The following CCAR1 variants were observed in gnomAD, a reference collection of about 807,000 sequenced individuals.
The protein encoded by CCAR1 is cell division cycle and apoptosis regulator protein 1.
A neutral mutation model predicts 163.8 loss-of-function variants in CCAR1; 78 were observed. The observed-to-expected ratio is 0.48, with a 90% CI of 0.40 to 0.57. CCAR1 has a LOEUF of 0.57. Ranked by LOEUF, CCAR1 falls within the 20% of genes least tolerant of loss-of-function variation. The probability of loss-of-function intolerance (pLI) is 0.00; values close to 1 mark genes in which losing one functional copy is unlikely to be tolerated. For synonymous variants in CCAR1, 443 were observed against 460.7 expected, an observed-to-expected ratio of 0.96 and a Z score of 0.49; for missense variants, 1,019 against 1,365.2, an observed-to-expected ratio of 0.75 and a Z score of 4.00.
intron 21 of CCAR1, 32 bp downstream of exon 21, chr10:68,786,724 A>G (rs1360923846): frequency 1.3e-6 from 2 of 1,547,808 alleles, no homozygotes; most frequent in African/African-American, 2.8e-5. Context: ...TAAAAGGAAA[A>G]CATTTTTTAA....
intron 15 of CCAR1, among the ~76,000 whole-genome samples, chr10:68,758,134 A>C (rs958935205): frequency 6.6e-6 from 1 of 151,928 alleles, no homozygotes; most frequent in Non-Finnish European, 1.5e-5. Flanking sequence ...GGCTCACTGC[A>C]GCTTTGGCCT....
intron 2 of CCAR1, among the ~76,000 whole-genome samples, chr10:68,728,673 G>T (rs528392973): frequency 6.6e-6 from 1 of 152,292 alleles, no homozygotes; most frequent in South Asian, 2.1e-4. Context: ...GCACTGTCCA[G>T]GCTGGGCGCG....
chr10:68,781,202 C>T (rs1288129130), intron 19 of CCAR1, among the ~76,000 whole-genome samples: 1 of 151,180 alleles, frequency 6.6e-6, no homozygotes, highest in Non-Finnish European at 1.5e-5. Flanking sequence ...CACTGCACTC[C>T]AGCGTGGGTG....
intron 6 of CCAR1, among the ~76,000 whole-genome samples, chr10:68,744,821 A>G (rs1020902675): frequency 5.9e-5 from 9 of 151,366 alleles, no homozygotes; most frequent in African/African-American, 1.9e-4. Flanking sequence ...TAGGAGGTAT[A>G]TCTACTTAAC....
chr10:68,761,710 C>A (rs1038151945), intron 16 of CCAR1, among the ~76,000 whole-genome samples: 2 of 152,086 alleles, frequency 1.3e-5, no homozygotes, highest in African/African-American at 2.4e-5. Flanking sequence ...TCAAGCAATT[C>A]TCCTGCCTTG....
chr10:68,737,498 CAA>C (rs1200590065), intron 3 of CCAR1, among the ~76,000 whole-genome samples: 9,142 of 64,306 alleles, frequency 0.14, 824 homozygotes, highest in African/African-American at 0.32. Flanking sequence ...ACCCTGTGTC[CAA>C]AAAAAAAAAA....
At chr10:68,741,277 T>C (rs558479249) in intron 5 of CCAR1, among the ~76,000 whole-genome samples, 2 of 152,296 alleles carry the variant, frequency 1.3e-5, no homozygotes, top group African/African-American at 4.8e-5. Flanking sequence ...GTAGTCTTTT[T>C]CTTTTGGAAG....
chr10:68,734,178 G>A (rs1337571546), intron 2 of CCAR1, among the ~76,000 whole-genome samples: 4 of 151,868 alleles, frequency 2.6e-5, no homozygotes, highest in African/African-American at 7.3e-5. Flanking sequence ...GCCTTTGGTC[G>A]GTTCATTAAA....
At chr10:68,774,408 C>T (rs967534840) in intron 19 of CCAR1, among the ~76,000 whole-genome samples, 15 of 152,010 alleles carry the variant, frequency 9.9e-5, no homozygotes, top group Middle Eastern at 3.4e-3. Context: ...GAGGTCAAGG[C>T]GGGTGGATCA....
chr10:68,778,816 A>G (rs2056699135), intron 19 of CCAR1, among the ~76,000 whole-genome samples: 1 of 151,988 alleles, frequency 6.6e-6, no homozygotes, highest in Non-Finnish European at 1.5e-5. Flanking sequence ...CATATTTTAT[A>G]TCTCATGATC....
chr10:68,727,180 G>A (rs763228990), intron 2 of CCAR1, among the ~76,000 whole-genome samples: 20 of 149,052 alleles, frequency 1.3e-4, no homozygotes, highest in Non-Finnish European at 2.1e-4. Flanking sequence ...TGATTCTTGT[G>A]CCTCAGCCTT....
At chr10:68,746,628 C>T (rs769572818) in intron 6 of CCAR1, among the ~76,000 whole-genome samples, 2 of 152,002 alleles carry the variant, frequency 1.3e-5, no homozygotes, top group African/African-American at 2.4e-5. Flanking sequence ...GTCTGTCACT[C>T]AGGCCAGGGC....
chr10:68,728,997 G>A (rs2055991492), intron 2 of CCAR1, among the ~76,000 whole-genome samples: 1 of 151,610 alleles, frequency 6.6e-6, no homozygotes, highest in Admixed American at 6.6e-5. Flanking sequence ...ACTTTCTATG[G>A]TAATAAGCAT....
At chr10:68,738,248 C>G (rs370505165) in intron 4 of CCAR1, among the ~76,000 whole-genome samples, 2 of 152,064 alleles carry the variant, frequency 1.3e-5, no homozygotes, top group African/African-American at 4.8e-5. Flanking sequence ...AACCCCATCT[C>G]TACTAAAAAT....
At chr10:68,730,129 T>C (rs1017834003) in intron 2 of CCAR1, among the ~76,000 whole-genome samples, 2 of 151,162 alleles carry the variant, frequency 1.3e-5, no homozygotes, top group Non-Finnish European at 3.0e-5. Context: ...GCCATGTTGG[T>C]CAGGCTGGTC....
chr10:68,764,286 G>A (rs993353307), intron 16 of CCAR1, among the ~76,000 whole-genome samples: 1 of 151,536 alleles, frequency 6.6e-6, no homozygotes, highest in African/African-American at 2.4e-5. Context: ...GCCAGCCTCC[G>A]TCTCCTGTGT....
At chr10:68,742,968 G>A (rs1437471188) in intron 6 of CCAR1, among the ~76,000 whole-genome samples, 3 of 151,464 alleles carry the variant, frequency 2.0e-5, no homozygotes, top group East Asian at 2.0e-4. Flanking sequence ...AGCCTCACTC[G>A]GTTGCCAAGG....
chr10:68,760,092 A>G (rs2056449584), intron 15 of CCAR1, among the ~76,000 whole-genome samples: 1 of 152,148 alleles, frequency 6.6e-6, no homozygotes, highest in African/African-American at 2.4e-5. Context: ...TTGGACTCCA[A>G]AGGTGCTAGG....
intron 2 of CCAR1, among the ~76,000 whole-genome samples, chr10:68,726,312 C>A (rs948054076): frequency 6.6e-6 from 1 of 151,940 alleles, no homozygotes; most frequent in Non-Finnish European, 1.5e-5. Context: ...GCAGCAAGCC[C>A]GGCTGATTTT....
Sources: gnomAD v4.1 joint callset for allele counts (sites outside exome capture counted in the v4.1 genomes callset) on GRCh38, gnomAD v4.1.1 for gene constraint, MANE v1.5 for transcripts, NCBI Gene and HGNC (gene_info 2026-07-23, HGNC 2026-07-21) for gene names.